JARID2: variants seen among roughly 807,000 people sequenced by gnomAD.
JARID2 encodes the protein jumonji and AT-rich interaction domain containing 2.
Under a neutral mutation model 125.6 loss-of-function variants are expected in JARID2, and 21 were observed. The ratio of observed to expected loss-of-function variants is 0.17; its 90% confidence interval spans 0.12 to 0.24. The LOEUF (loss-of-function observed/expected upper bound fraction) is 0.24, where lower values mean the gene tolerates loss of function less well. Among genes scored for constraint, JARID2 ranks in the 10% least tolerant of loss-of-function variants. JARID2 has a pLI of 1.00. For missense variants in JARID2, 1,303 were observed against 1,639.6 expected (o/e 0.79, Z 3.55); for synonymous variants, 736 against 661.6 (o/e 1.11, Z -1.73).
chr6:15,411,592 T>C (rs1053198197), intron 3 of JARID2, among the ~76,000 whole-genome samples: 3 of 152,262 alleles, frequency 2.0e-5, no homozygotes, highest in African/African-American at 4.8e-5. Flanking sequence ...GAACCTGTTA[T>C]ATTACAGATA....
chr6:15,285,201 CTG>C (rs1463009463), intron 1 of JARID2, among the ~76,000 whole-genome samples: 1 of 149,460 alleles, frequency 6.7e-6, no homozygotes, highest in Non-Finnish European at 1.5e-5. Flanking sequence ...ACCTCCGCCT[CTG>C]GGGTTCAAGC....
chr6:15,257,104 T>C (rs1885673), intron 1 of JARID2, among the ~76,000 whole-genome samples: 82,366 of 151,980 alleles, frequency 0.54, 22,636 homozygotes, highest in African/African-American at 0.64. Context: ...ATCCAGGTCC[T>C]GATACAGTAG....
At chr6:15,387,796 A>G (rs1450163885) in intron 2 of JARID2, among the ~76,000 whole-genome samples, 1 of 152,050 alleles carries the variant, frequency 6.6e-6, no homozygotes, top group East Asian at 1.9e-4. Context: ...TGACAGGGGG[A>G]TGGCAGTTGT....
At chr6:15,505,612 T>A (rs1213378183) in intron 9 of JARID2, among the ~76,000 whole-genome samples, 1 of 152,232 alleles carries the variant, frequency 6.6e-6, no homozygotes, top group Admixed American at 6.5e-5. Flanking sequence ...GTGTGGGGAA[T>A]AGAGGTTTAC....
chr6:15,263,871 G>C (rs1581341005), intron 1 of JARID2, among the ~76,000 whole-genome samples: 1 of 152,174 alleles, frequency 6.6e-6, no homozygotes, highest in Admixed American at 6.5e-5. Flanking sequence ...GGGATTACAG[G>C]CGTGAGCCAC....
At chr6:15,283,550 G>A (rs1323996863) in intron 1 of JARID2, among the ~76,000 whole-genome samples, 2 of 150,208 alleles carry the variant, frequency 1.3e-5, no homozygotes, top group East Asian at 4.0e-4. Context: ...CACCGTGTTA[G>A]CCAGGACGGT....
At chr6:15,474,966 T>C (rs898495120) in intron 5 of JARID2, among the ~76,000 whole-genome samples, 1 of 152,240 alleles carries the variant, frequency 6.6e-6, no homozygotes, top group Non-Finnish European at 1.5e-5. Context: ...ATAATCCCGG[T>C]TGACACCAGT....
intron 2 of JARID2, among the ~76,000 whole-genome samples, chr6:15,375,658 A>G (rs989408295): frequency 1.3e-5 from 2 of 152,214 alleles, no homozygotes; most frequent in Admixed American, 6.5e-5. Flanking sequence ...TAGTTGGAGA[A>G]CATTTGATGT....
At chr6:15,289,801 G>C (rs1382403625) in intron 1 of JARID2, among the ~76,000 whole-genome samples, 1 of 152,094 alleles carries the variant, frequency 6.6e-6, no homozygotes, top group Non-Finnish European at 1.5e-5. Flanking sequence ...AGCTGAGATG[G>C]TGCCACTGCA....
At chr6:15,423,660 C>T (rs1031578036) in intron 3 of JARID2, among the ~76,000 whole-genome samples, 1 of 152,134 alleles carries the variant, frequency 6.6e-6, no homozygotes, top group Non-Finnish European at 1.5e-5. Context: ...CTGAGAGGTA[C>T]CTCTGTATGC....
chr6:15,428,366 C>T (rs1766821926), intron 3 of JARID2, among the ~76,000 whole-genome samples: 1 of 151,962 alleles, frequency 6.6e-6, no homozygotes, highest in Non-Finnish European at 1.5e-5. Context: ...GTGTGCTGCA[C>T]CCATTAACTC....
intron 1 of JARID2, among the ~76,000 whole-genome samples, chr6:15,335,474 A>G (rs1762847947): frequency 2.0e-5 from 3 of 152,094 alleles, no homozygotes; most frequent in Admixed American, 1.3e-4. Context: ...AGCCTCCTAT[A>G]GTGCTGTTTA....
intron 3 of JARID2, among the ~76,000 whole-genome samples, chr6:15,440,327 C>T (rs746980675): frequency 5.3e-5 from 8 of 152,130 alleles, no homozygotes; most frequent in South Asian, 2.1e-4. Flanking sequence ...TGTACTGAGG[C>T]GAGGTGTCTG....
intron 1 of JARID2, among the ~76,000 whole-genome samples, chr6:15,313,763 A>G (rs1460447882): frequency 6.6e-6 from 1 of 152,162 alleles, no homozygotes; most frequent in African/African-American, 2.4e-5. Context: ...TTAAGCACCA[A>G]TTATTAGAAA....
intron 6 of JARID2, among the ~76,000 whole-genome samples, chr6:15,495,163 T>C (rs575234900): frequency 1.3e-4 from 20 of 152,280 alleles, no homozygotes; most frequent in Non-Finnish European, 1.8e-4. Flanking sequence ...CAGCAGCCCA[T>C]TGGGGTCCCT....
chr6:15,387,573 C>T (rs993359993), intron 2 of JARID2, among the ~76,000 whole-genome samples: 2 of 152,180 alleles, frequency 1.3e-5, no homozygotes, highest in Non-Finnish European at 2.9e-5. Context: ...AGAGCTTCAA[C>T]AGAAGACTTT....
chr6:15,301,462 C>G (rs1288366706), intron 1 of JARID2, among the ~76,000 whole-genome samples: 1 of 152,176 alleles, frequency 6.6e-6, no homozygotes, highest in Admixed American at 6.5e-5. Context: ...CGGGTTTCAT[C>G]TGAGTGACTA....
intron 3 of JARID2, among the ~76,000 whole-genome samples, chr6:15,441,492 T>G (rs1767443657): frequency 6.6e-6 from 1 of 152,188 alleles, no homozygotes; most frequent in Non-Finnish European, 1.5e-5. Context: ...TTGCAGTGGG[T>G]GGGGAAATTG....
intron 1 of JARID2, among the ~76,000 whole-genome samples, chr6:15,344,454 C>G (rs1224890823): frequency 6.6e-6 from 1 of 151,420 alleles, no homozygotes; most frequent in South Asian, 2.1e-4. Context: ...TCTGAGCTCT[C>G]TGGTTTAAAA....
Sources: gnomAD v4.1 joint callset for allele counts (sites outside exome capture counted in the v4.1 genomes callset) on GRCh38, gnomAD v4.1.1 for gene constraint, MANE v1.5 for transcripts, NCBI Gene and HGNC (gene_info 2026-07-23, HGNC 2026-07-21) for gene names.